Variants in FAM228B observed in about 807,000 individuals in gnomAD.
The protein encoded by FAM228B is protein FAM228B.
FAM228B carries 38 observed loss-of-function variants against 42.6 expected under a neutral mutation model. The ratio of observed to expected loss-of-function variants is 0.89; its 90% confidence interval spans 0.69 to 1.17. The LOEUF (loss-of-function observed/expected upper bound fraction) is 1.17. Among genes scored for constraint, FAM228B ranks in the 50% most tolerant of loss-of-function variants. FAM228B has a pLI of 0.00. For synonymous variants in FAM228B, 109 were observed against 122.3 expected (o/e 0.89, Z 0.72); for missense variants, 344 against 367.3 (o/e 0.94, Z 0.52).
In FAM228B at chr2:24,126,701, C is replaced by T. The variant is rs564660260; in HGVS notation, c.99+2241C>T. On this transcript the variant is annotated intron_variant, in intron 2 of 10. Transcript: ENST00000615575. Reference sequence around the variant, plus strand: ...TCTCAGCTCACTGCAAACTCTGCCTCCCCGGTTCACGCCATTCTCCTGCCT... The same window carrying T: ...TCTCAGCTCACTGCAAACTCTGCCTTCCCGGTTCACGCCATTCTCCTGCCT... 1.1e-4 allele frequency among the ~76,000 whole-genome samples: 17 copies of T among 151,942 alleles called. No homozygotes were observed. In the East Asian group the frequency reaches 2.9e-3, roughly 26 times the overall value.
intron 2 of FAM228B, among the ~76,000 whole-genome samples, chr2:24,130,720 T>G (rs1432252178): frequency 6.6e-6 from 1 of 152,190 alleles, no homozygotes; most frequent in Non-Finnish European, 1.5e-5. Context: ...ATGGGTAGAT[T>G]GCAAAAATTT....
At chr2:24,143,204 A>G (rs1272262319) in intron 5 of FAM228B, among the ~76,000 whole-genome samples, 2 of 151,898 alleles carry the variant, frequency 1.3e-5, no homozygotes, top group Non-Finnish European at 2.9e-5. Flanking sequence ...TTTTTGAGAC[A>G]GAGTCTCGCT....
intron 10 of FAM228B, among the ~76,000 whole-genome samples, chr2:24,168,946 TG>T (rs1667500550): frequency 6.6e-6 from 1 of 152,206 alleles, no homozygotes. Context: ...GATCATCAGC[TG>T]ATCGCGAGGC....
At chr2:24,157,668 G>A (rs1227183561) in intron 7 of FAM228B, among the ~76,000 whole-genome samples, 1 of 150,716 alleles carries the variant, frequency 6.6e-6, no homozygotes, top group Non-Finnish European at 1.5e-5. Context: ...AACCTGGGAG[G>A]CAGAAGTTGC....
intron 2 of FAM228B, among the ~76,000 whole-genome samples, chr2:24,086,051 C>T (rs1425882835): frequency 6.6e-6 from 1 of 151,612 alleles, no homozygotes; most frequent in African/African-American, 2.4e-5. Context: ...CTGGCTAACA[C>T]GGTGAAACCC....
Position 24,077,457 on chromosome 2 carries a change from A to T in FAM228B, c.-290+488A>T, listed in dbSNP as rs1201692375. 8.5e-7 allele frequency: 1 copy of T among 1,181,040 alleles called. No homozygotes were observed. Among genetic ancestry groups the T allele is most frequent in the South Asian group, 1.9e-5 (1 of 51,388 alleles). The allele number at this position is 1,181,040 out of a possible 1,614,324, so 73.2% of individuals were successfully genotyped here. A position where few individuals can be genotyped will look rare whatever the true frequency, so the allele number is the denominator to read the frequency against. ...CTTCCAGTTCACTCTTTATTTCCTC[A>T]TATCAGCTTTAAACGGCTCTGGAGG... On this transcript the variant is annotated intron_variant, in intron 1 of 10. Coordinates refer to the FAM228B transcript ENST00000613899. This position sits in a 1 kb window ranked among gnomAD's most constrained non-coding sequence, Gnocchi z 5.5.
chr2:24,079,335 T>C (rs1364100886), intron 1 of FAM228B: 1 of 1,244,130 alleles, frequency 8.0e-7, no homozygotes, highest in African/African-American at 1.5e-5. Flanking sequence ...GGTTTCTTCA[T>C]AGAAACTAAC....
At chr2:24,128,756 C>T (rs908071119) in intron 2 of FAM228B, among the ~76,000 whole-genome samples, 1 of 151,422 alleles carries the variant, frequency 6.6e-6, no homozygotes, top group Non-Finnish European at 1.5e-5. Flanking sequence ...CATTTTTCCC[C>T]TTGGATTCAG....
chr2:24,164,414 T>G (rs1380785061), intron 9 of FAM228B, 79 bp downstream of exon 9: 4 of 1,427,508 alleles, frequency 2.8e-6, no homozygotes, highest in Non-Finnish European at 3.7e-6. Flanking sequence ...CTGGGAACTT[T>G]CTTTGTATGG....
At chr2:24,143,781 T>G in intron 5 of FAM228B, among the ~76,000 whole-genome samples, 1 of 152,214 alleles carries the variant, frequency 6.6e-6, no homozygotes. Context: ...TTTTAATTTC[T>G]AATATAGTAA....
chr2:24,153,444 C>A (rs1667066425), intron 7 of FAM228B, among the ~76,000 whole-genome samples: 1 of 152,186 alleles, frequency 6.6e-6, no homozygotes, highest in African/African-American at 2.4e-5. Flanking sequence ...CCCTTCAAGG[C>A]AGCAGATTCC....
Position 24,077,389 on chromosome 2 carries a change from C to G in FAM228B, c.-290+420C>G. The stretch of plus-strand genomic sequence containing the variant: ...CCCCGCTGCGACGCCCGTCCGGACT[C>G]CCACCTCAACCCCGCCGCGGCGGCC... On this transcript the variant is annotated intron_variant, in intron 1 of 10. Coordinates refer to the FAM228B transcript ENST00000613899. The surrounding 1 kb of genome is among the most constrained non-coding windows in gnomAD (Gnocchi z 5.5). The G allele has an allele frequency of 1.7e-6, 1 of 579,466 alleles. No homozygotes were observed. 35.9% of individuals were successfully genotyped at this position (579,466 alleles called of 1,614,324 possible).
chr2:24,166,235 T>G (rs902443571), intron 9 of FAM228B, among the ~76,000 whole-genome samples: 1 of 151,808 alleles, frequency 6.6e-6, no homozygotes, highest in Admixed American at 6.6e-5. Flanking sequence ...CCAGTTCTCT[T>G]GTCCAGAGTC....
At chr2:24,154,821 C>A (rs535990155) in intron 7 of FAM228B, among the ~76,000 whole-genome samples, 30 of 152,210 alleles carry the variant, frequency 2.0e-4, no homozygotes, top group Middle Eastern at 3.4e-3. Context: ...GGTGAGAGCA[C>A]CATTATTTCT....
intron 7 of FAM228B, among the ~76,000 whole-genome samples, chr2:24,152,078 A>G (rs1039148590): frequency 1.8e-4 from 28 of 152,264 alleles, no homozygotes; most frequent in Admixed American, 1.7e-3. Context: ...CATGTTGGCC[A>G]GGCTGGTCTC....
At chr2:24,103,910 T>C (rs776906692) in intron 3 of FAM228B, among the ~76,000 whole-genome samples, 5 of 152,088 alleles carry the variant, frequency 3.3e-5, no homozygotes, top group African/African-American at 4.8e-5. Flanking sequence ...GAATGTCAAA[T>C]GGTAAGCCAG....
chr2:24,112,529 T>C (rs1410948769), intron 3 of FAM228B, among the ~76,000 whole-genome samples: 2 of 152,124 alleles, frequency 1.3e-5, no homozygotes, highest in African/African-American at 4.8e-5. Context: ...CTCAAACTCC[T>C]GACCTCAGCT....
intron 2 of FAM228B, among the ~76,000 whole-genome samples, chr2:24,085,434 T>C (rs1665213021): frequency 6.6e-6 from 1 of 152,140 alleles, no homozygotes; most frequent in Admixed American, 6.5e-5. Context: ...CTGTGCATCG[T>C]AGGATGTTTA....
At chr2:24,102,671 G>A (rs1665629105) in intron 3 of FAM228B, among the ~76,000 whole-genome samples, 2 of 152,184 alleles carry the variant, frequency 1.3e-5, no homozygotes, top group Admixed American at 6.5e-5. Flanking sequence ...CCTGGAGGTG[G>A]AGGTTGCAGT....
Sources: allele counts gnomAD v4.1 joint callset (sites outside exome capture counted in the v4.1 genomes callset), GRCh38; gene constraint gnomAD v4.1.1; non-coding constraint Gnocchi (gnomAD v3.1); transcripts MANE v1.5; gene names NCBI Gene and HGNC (gene_info 2026-07-23, HGNC 2026-07-21).